The following DECR1 variants were observed in gnomAD, a reference collection of about 807,000 sequenced individuals.
DECR1 encodes the protein 2,4-dienoyl-CoA reductase [(3E)-enoyl-CoA-producing], mitochondrial.
DECR1 carries 44 observed loss-of-function variants against 38.8 expected under a neutral mutation model. That is an observed-to-expected ratio of 1.13 (90% confidence interval 0.89 to 1.46). The LOEUF (loss-of-function observed/expected upper bound fraction) is 1.46. Ranked by LOEUF, DECR1 falls within the 40% of genes most tolerant of loss-of-function variation. The probability of loss-of-function intolerance (pLI) is 0.00; values close to 1 mark genes in which losing one functional copy is unlikely to be tolerated. For synonymous variants in DECR1, 148 were observed against 135.2 expected (o/e 1.09, Z -0.66); for missense variants, 428 against 405.5 (o/e 1.06, Z -0.48).
chr8:90,018,856 A>G (rs771944438), intron 2 of DECR1, 53 bp from the exon 3 acceptor site: 53 of 1,306,718 alleles, frequency 4.1e-5, no homozygotes, highest in Non-Finnish European at 5.1e-5. Flanking sequence ...GTATTCTTCA[A>G]TTTATGAAAT....
chr8:90,052,058 G>T lies in DECR1; in HGVS notation c.*161G>T, dbSNP rs1447717589. The T allele has an allele frequency of 7.8e-5, 40 of 510,658 alleles. No individual in the cohort carries two copies. Among genetic ancestry groups the T allele is most frequent in the Non-Finnish European group, 9.9e-5 (30 of 302,270 alleles). The allele number at this position is 510,658 out of a possible 1,614,324, so 31.6% of individuals were successfully genotyped here. A position where few individuals can be genotyped will look rare whatever the true frequency, so the allele number is the denominator to read the frequency against. On this transcript the variant is annotated 3_prime_UTR_variant, in exon 10 of 10. Transcript: ENST00000220764. ...CAGTGATAGCCATTGTATATTCAAA[G>T]ATAAATAAAATGAAATATAGTCCTT... is the stretch of plus-strand genomic sequence containing the variant.
At chr8:90,026,066 A>T (rs1355276035) in intron 5 of DECR1, among the ~76,000 whole-genome samples, 1 of 152,190 alleles carries the variant, frequency 6.6e-6, no homozygotes, top group Non-Finnish European at 1.5e-5. Context: ...CATCCCAGGG[A>T]TGAAGCCCAC....
chr8:90,003,968 G>T (rs923071127), intron 1 of DECR1, among the ~76,000 whole-genome samples: 7 of 151,932 alleles, frequency 4.6e-5, no homozygotes, highest in Middle Eastern at 3.4e-3. Flanking sequence ...AATAGAATAG[G>T]ATATATCTAA....
In DECR1 at chr8:90,009,735, T is replaced by C. The variant is rs575238996; in HGVS notation, c.70-7389T>C. Among the ~76,000 whole-genome samples the C allele has an allele frequency of 4.6e-5, 7 of 152,314 alleles. No individual in the cohort carries two copies. The South Asian group carries it at 1.4e-3, about 32-fold the overall frequency. On this transcript the variant is annotated intron_variant, in intron 1 of 9. Transcript: ENST00000220764. Reference sequence around the variant, plus strand: ...ATTGTCATTATAGTTTTGGTTAACATGATAGGGGATCAATAAGAGATGACT... The same window carrying C: ...ATTGTCATTATAGTTTTGGTTAACACGATAGGGGATCAATAAGAGATGACT...
At position 90,036,585 on chromosome 8, in the gene DECR1, G is replaced by A. The variant is rs138487172; in HGVS notation, c.566-256G>A. On this transcript the variant is annotated intron_variant, in intron 5 of 9. Transcript: ENST00000220764. ...AATAGGGGCATGCCTCTGAGATTTG[G>A]GCTTTCGTATTGACTCGCCAGGCAT... 9.9e-5 allele frequency among the ~76,000 whole-genome samples: 15 copies of A among 152,158 alleles called. No individual in the cohort carries two copies. In the East Asian group the frequency reaches 2.7e-3, roughly 28 times the overall value.
intron 5 of DECR1, among the ~76,000 whole-genome samples, chr8:90,025,929 G>A (rs187615189): frequency 5.3e-4 from 81 of 152,262 alleles, no homozygotes; most frequent in Non-Finnish European, 1.1e-3. Context: ...TTTTTAGCAT[G>A]AAGGGCGGTT....
intron 8 of DECR1, among the ~76,000 whole-genome samples, chr8:90,046,568 AC>A (rs1161142878): frequency 6.6e-6 from 1 of 152,090 alleles, no homozygotes; most frequent in Non-Finnish European, 1.5e-5. Context: ...GTCTGATTGT[AC>A]CTGAAAGTGA....
intron 1 of DECR1, among the ~76,000 whole-genome samples, chr8:90,014,528 A>G (rs1317081415): frequency 6.6e-6 from 1 of 152,210 alleles, no homozygotes; most frequent in Non-Finnish European, 1.5e-5. Context: ...TATAAGATAA[A>G]AATGTGCTAT....
chr8:90,002,745 A>G (rs1812647285), intron 1 of DECR1, among the ~76,000 whole-genome samples: 1 of 152,216 alleles, frequency 6.6e-6, no homozygotes, highest in Non-Finnish European at 1.5e-5. Flanking sequence ...TTTCTTTTAA[A>G]AAGTGAGATT....
intron 6 of DECR1, among the ~76,000 whole-genome samples, chr8:90,039,485 G>T (rs1182238631): frequency 1.3e-5 from 2 of 152,140 alleles, no homozygotes; most frequent in Non-Finnish European, 2.9e-5. Flanking sequence ...GGGGAAAACT[G>T]TCTTCAGGAT....
At chr8:90,024,287 A>C (rs574425746) in intron 5 of DECR1, among the ~76,000 whole-genome samples, 3 of 152,306 alleles carry the variant, frequency 2.0e-5, no homozygotes, top group Admixed American at 2.0e-4. Context: ...CTTGAGGAAT[A>C]GCCACACTGT....
chr8:90,047,805 G>A (rs1356635942), intron 8 of DECR1, among the ~76,000 whole-genome samples: 2 of 152,174 alleles, frequency 1.3e-5, no homozygotes, highest in African/African-American at 4.8e-5. Flanking sequence ...CTCAGCAAAT[G>A]TAAAAGAACA....
chr8:90,010,389 A>G (rs1173616805), intron 1 of DECR1, among the ~76,000 whole-genome samples: 5 of 152,182 alleles, frequency 3.3e-5, no homozygotes, highest in Admixed American at 3.3e-4. Flanking sequence ...CCCTTGTATT[A>G]CCAGATACCT....
intron 1 of DECR1, among the ~76,000 whole-genome samples, chr8:90,012,713 G>C (rs1812916253): frequency 6.6e-6 from 1 of 152,184 alleles, no homozygotes; most frequent in Non-Finnish European, 1.5e-5. Context: ...TGAATATAAG[G>C]TCGTGTCCCT....
intron 1 of DECR1, among the ~76,000 whole-genome samples, chr8:90,013,399 G>GTTTTTTTTTTTTTTTTTTTTTTTTTTTTT (rs57505716): frequency 3.8e-5 from 3 of 77,984 alleles, no homozygotes; most frequent in East Asian, 4.6e-4. Context: ...CTCTTCTTTC[G>GTTTTTTTTTTTTTTTTTTTTTTTTTTTTT]TTTTTTTTTT....
intron 5 of DECR1, among the ~76,000 whole-genome samples, chr8:90,034,454 A>G (rs998060518): frequency 4.0e-5 from 6 of 151,680 alleles, no homozygotes; most frequent in South Asian, 4.2e-4. Flanking sequence ...TTGTTTGTTT[A>G]TTTATTTATT....
chr8:90,039,468 A>C (rs1052539616), intron 6 of DECR1, among the ~76,000 whole-genome samples: 1 of 152,190 alleles, frequency 6.6e-6, no homozygotes, highest in African/African-American at 2.4e-5. Context: ...TATCATGAGA[A>C]CAGCATGGGG....
At chr8:90,046,869 G>T (rs1341258042) in intron 8 of DECR1, among the ~76,000 whole-genome samples, 1 of 152,126 alleles carries the variant, frequency 6.6e-6, no homozygotes, top group African/African-American at 2.4e-5. Context: ...AAGAAAGTGG[G>T]GGCCAATATT....
At chr8:90,038,013 G>T (rs1813655277) in intron 6 of DECR1, among the ~76,000 whole-genome samples, 1 of 152,048 alleles carries the variant, frequency 6.6e-6, no homozygotes, top group Non-Finnish European at 1.5e-5. Context: ...ACTCACTATG[G>T]CATTCTAAAC....
Sources: allele counts gnomAD v4.1 joint callset (sites outside exome capture counted in the v4.1 genomes callset), GRCh38; gene constraint gnomAD v4.1.1; transcripts MANE v1.5; gene names NCBI Gene and HGNC (gene_info 2026-07-23, HGNC 2026-07-21).